CHN2: variants seen among roughly 807,000 people sequenced by gnomAD.
CHN2 encodes the protein beta-chimaerin.
Under a neutral mutation model 56.3 loss-of-function variants are expected in CHN2, and 35 were observed. The observed-to-expected ratio is 0.62, with a 90% CI of 0.47 to 0.82. The LOEUF is 0.82. Ranked by LOEUF, CHN2 falls within the 40% of genes least tolerant of loss-of-function variation. CHN2 has a pLI of 0.00. For missense variants in CHN2, 491 were observed against 580.5 expected, an observed-to-expected ratio of 0.85 and a Z score of 1.58; for synonymous variants, 210 against 212.8, an observed-to-expected ratio of 0.99 and a Z score of 0.12.
In CHN2 at chr7:29,512,896, C is replaced by T. The variant is rs968345750; in HGVS notation, c.*161C>T. ...TGGGGTACTGTGTCTCATAGACATG[C>T]GCCACCTCCACGTGAGAACAAGGGT... On this transcript the variant is annotated 3_prime_UTR_variant, in exon 13 of 13. Transcript: ENST00000222792. The T allele has an allele frequency of 2.0e-5, 14 of 687,586 alleles. No homozygotes were observed. Among genetic ancestry groups the T allele is most frequent in the East Asian group, 2.8e-5 (1 of 35,230 alleles). 42.6% of individuals were successfully genotyped at this position (687,586 alleles called of 1,614,324 possible).
chr7:29,450,286 T>A (rs979166445), intron 6 of CHN2, among the ~76,000 whole-genome samples: 1 of 152,206 alleles, frequency 6.6e-6, no homozygotes, highest in Admixed American at 6.5e-5. Context: ...AGATATCAGA[T>A]CCTAATCCCT....
At chr7:29,387,882 G>A (rs1390882379) in intron 3 of CHN2, among the ~76,000 whole-genome samples, 3 of 152,146 alleles carry the variant, frequency 2.0e-5, no homozygotes, top group African/African-American at 7.2e-5. Flanking sequence ...CATGCTCAGT[G>A]TAGAAGGCTA....
At chr7:29,185,939 T>C in intron 2 of CHN2, among the ~76,000 whole-genome samples, 1 of 152,168 alleles carries the variant, frequency 6.6e-6, no homozygotes, top group Non-Finnish European at 1.5e-5. Context: ...ATAGGGAAAC[T>C]CGCCCATGTG....
At chr7:29,302,129 A>G (rs748986865) in intron 1 of CHN2, among the ~76,000 whole-genome samples, 1 of 152,230 alleles carries the variant, frequency 6.6e-6, no homozygotes, top group Non-Finnish European at 1.5e-5. Flanking sequence ...TCTCTAACAG[A>G]GTGATCTCTA....
At chr7:29,169,279 C>A (rs1400710491) in intron 2 of CHN2, among the ~76,000 whole-genome samples, 1 of 152,138 alleles carries the variant, frequency 6.6e-6, no homozygotes, top group Non-Finnish European at 1.5e-5. Context: ...CTGGGAAGAA[C>A]ATTCTATTAT....
intron 1 of CHN2, among the ~76,000 whole-genome samples, chr7:29,324,401 C>G (rs1002939574): frequency 2.6e-5 from 4 of 152,168 alleles, no homozygotes; most frequent in Admixed American, 6.5e-5. Context: ...CTAAATGTCT[C>G]TCAAAGTCCG....
At chr7:29,342,355 T>TGTAGTG (rs1231367810) in intron 1 of CHN2, among the ~76,000 whole-genome samples, 4 of 152,192 alleles carry the variant, frequency 2.6e-5, no homozygotes, top group African/African-American at 9.7e-5. Flanking sequence ...CCTTTCCACT[T>TGTAGTG]GTAGTGGAGG....
chr7:29,324,294 C>A (rs779110816), intron 1 of CHN2, among the ~76,000 whole-genome samples: 1 of 152,138 alleles, frequency 6.6e-6, no homozygotes, highest in Non-Finnish European at 1.5e-5. Context: ...CTTAGCAGCA[C>A]GCATGCATCT....
chr7:29,343,531 A>C (rs932396997), intron 1 of CHN2, among the ~76,000 whole-genome samples: 1 of 152,154 alleles, frequency 6.6e-6, no homozygotes, highest in African/African-American at 2.4e-5. Context: ...TTGCAAGGTC[A>C]TGAGAAACCC....
intron 6 of CHN2, among the ~76,000 whole-genome samples, chr7:29,472,237 C>T (rs771828841): frequency 1.9e-5 from 2 of 103,594 alleles, no homozygotes; most frequent in Non-Finnish European, 4.6e-5. Flanking sequence ...CCACCAGTCC[C>T]CTCAAAATCC....
chr7:29,408,304 G>A (rs1802854478), intron 6 of CHN2, among the ~76,000 whole-genome samples: 1 of 151,988 alleles, frequency 6.6e-6, no homozygotes, highest in East Asian at 1.9e-4. Flanking sequence ...GGTCTTTTTT[G>A]GCTCCTCAGG....
chr7:29,158,048 A>T (rs1794661128), intron 2 of CHN2, among the ~76,000 whole-genome samples: 1 of 152,176 alleles, frequency 6.6e-6, no homozygotes, highest in Non-Finnish European at 1.5e-5. Context: ...GCAGGGAGGT[A>T]ATCAAATAAA....
At chr7:29,210,219 C>T (rs956633214) in intron 1 of CHN2, among the ~76,000 whole-genome samples, 13 of 152,238 alleles carry the variant, frequency 8.5e-5, no homozygotes, top group African/African-American at 2.9e-4. Context: ...TTTCAAATAG[C>T]AATTACCAGT....
chr7:29,349,150 C>G (rs1797689765), intron 1 of CHN2, among the ~76,000 whole-genome samples: 1 of 152,154 alleles, frequency 6.6e-6, no homozygotes, highest in Non-Finnish European at 1.5e-5. Flanking sequence ...TTACGCCCAC[C>G]CTTCAGTAGG....
intron 4 of CHN2, among the ~76,000 whole-genome samples, chr7:29,395,144 G>C (rs1246386956): frequency 6.6e-6 from 1 of 152,170 alleles, no homozygotes; most frequent in Non-Finnish European, 1.5e-5. Context: ...TAGGGAGAGA[G>C]GAATTTTGCA....
chr7:29,441,042 A>G (rs1242699183), intron 6 of CHN2, among the ~76,000 whole-genome samples: 1 of 152,108 alleles, frequency 6.6e-6, no homozygotes, highest in Non-Finnish European at 1.5e-5. Context: ...AATATTTGAT[A>G]TTTTCTATAA....
rs12536054 is a variant in CHN2 at position 29,289,672 on chromosome 7, A to G, written c.50-64953A>G. 3.1e-3 allele frequency among the ~76,000 whole-genome samples: 477 copies of G among 152,322 alleles called. 2 individuals are homozygous for G. The highest frequency in any genetic ancestry group is 5.0e-3 in the Non-Finnish European group (340 of 68,034). On this transcript the variant is annotated intron_variant, in intron 1 of 12. Transcript: ENST00000222792. ...ATGGGGAACTTGACTATTTTCAAAG[A>G]CAAATATGCCCCAGCACTTCCTACA...
intron 4 of CHN2, among the ~76,000 whole-genome samples, chr7:29,395,014 T>A (rs910917454): frequency 5.9e-5 from 9 of 152,202 alleles, no homozygotes; most frequent in East Asian, 1.9e-4. Context: ...TTTATTTTTT[T>A]AAAAAATGAA....
At chr7:29,270,501 A>AAAG (rs1314060854) in intron 1 of CHN2, among the ~76,000 whole-genome samples, 2 of 150,846 alleles carry the variant, frequency 1.3e-5, no homozygotes, top group East Asian at 3.9e-4. Context: ...CTAAAAAAAA[A>AAAG]AAAAAAAAAA....
Sources: allele counts gnomAD v4.1 joint callset (sites outside exome capture counted in the v4.1 genomes callset), GRCh38; gene constraint gnomAD v4.1.1; transcripts MANE v1.5; gene names NCBI Gene and HGNC (gene_info 2026-07-23, HGNC 2026-07-21).